Variants in TPST1 observed in about 807,000 individuals in gnomAD.
TPST1 encodes protein-tyrosine sulfotransferase 1.
Under a neutral mutation model 34.8 loss-of-function variants are expected in TPST1, and 20 were observed. The observed-to-expected ratio is 0.57, with a 90% CI of 0.40 to 0.84. The LOEUF is 0.84. Ranked by LOEUF, TPST1 falls within the 40% of genes least tolerant of loss-of-function variation. The pLI, the probability that TPST1 is intolerant of heterozygous loss-of-function variation, is 0.00. For missense variants in TPST1, 353 were observed against 455.5 expected (o/e 0.78, Z 2.05); for synonymous variants, 152 against 159.4 (o/e 0.95, Z 0.35).
chr7:66,338,076 T>G (rs1258239956), intron 3 of TPST1, among the ~76,000 whole-genome samples: 1 of 152,164 alleles, frequency 6.6e-6, no homozygotes. Flanking sequence ...CCCATCCATA[T>G]GCTGGCTACA....
chr7:66,317,208 T>C (rs965151773), intron 3 of TPST1, among the ~76,000 whole-genome samples: 2 of 152,232 alleles, frequency 1.3e-5, no homozygotes, highest in African/African-American at 2.4e-5. Flanking sequence ...TCTTTAGTTA[T>C]ATGTACTTCT....
chr7:66,286,823 T>TTTGTTTTTG (rs1791049329), intron 3 of TPST1, 114 bp downstream of exon 3: 1 of 624,904 alleles, frequency 1.6e-6, no homozygotes, highest in African/African-American at 2.1e-5. Flanking sequence ...ATATATTTTT[T>TTTGTTTTTG]TTTTTTTTCA....
In TPST1 at chr7:66,240,572, C is replaced by T. The variant is rs775947987; in HGVS notation, c.147C>T (p.Thr49=). The T allele has an allele frequency of 1.4e-5, 22 of 1,614,048 alleles. No homozygotes were observed. The African/African-American group carries it at 1.9e-4, about 14-fold the overall frequency. ...CAGTCAAATTGGAGAGCACAAGGAC[C>T]ACTGTGAGAACTGGCCTGGACCTCA... The part of the protein sequence containing the change: ...SQPVKLESTR[T]TVRTGLDLKA... Residue 49 remains threonine (T), a synonymous_variant, in exon 2 of 6, where the codon ACC becomes ACT. Coordinates refer to ENST00000304842, the MANE Select transcript of TPST1 (RefSeq NM_003596.4).
chr7:66,336,410 G>A (rs768033033), intron 3 of TPST1, among the ~76,000 whole-genome samples: 21 of 151,820 alleles, frequency 1.4e-4, no homozygotes, highest in Admixed American at 2.6e-4. Context: ...ATTTGACAAA[G>A]AAATAGAAAC....
chr7:66,200,580 C>A (rs1452175076), upstream of TPST1, among the ~76,000 whole-genome samples: 1 of 151,840 alleles, frequency 6.6e-6, no homozygotes, highest in Non-Finnish European at 1.5e-5. Flanking sequence ...CCAGCACACC[C>A]GGCTAATTTT....
At chr7:66,256,908 A>G (rs1258012681) in intron 2 of TPST1, among the ~76,000 whole-genome samples, 1 of 152,136 alleles carries the variant, frequency 6.6e-6, no homozygotes, top group Non-Finnish European at 1.5e-5. Context: ...GAATCTTGTC[A>G]TCTAAATCAG....
chr7:66,239,055 G>C (rs1205777013), intron 1 of TPST1, among the ~76,000 whole-genome samples: 4 of 152,204 alleles, frequency 2.6e-5, no homozygotes, highest in South Asian at 2.1e-4. Flanking sequence ...CTATACACTA[G>C]CTTTCCTAAA....
intron 1 of TPST1, among the ~76,000 whole-genome samples, chr7:66,238,316 G>A (rs1789952951): frequency 1.3e-5 from 2 of 150,998 alleles, no homozygotes. Flanking sequence ...GAATTCCTTC[G>A]TTATTTTGTC....
intron 2 of TPST1, among the ~76,000 whole-genome samples, chr7:66,270,941 C>T (rs1163493628): frequency 1.3e-5 from 2 of 152,168 alleles, no homozygotes; most frequent in Non-Finnish European, 1.5e-5. Context: ...CTACATCTTA[C>T]TTGGAACAAT....
upstream of TPST1, among the ~76,000 whole-genome samples, chr7:66,203,578 C>CG (rs1554338375): frequency 2.0e-5 from 3 of 151,916 alleles, no homozygotes; most frequent in Non-Finnish European, 1.5e-5. Flanking sequence ...CTCCACCTCC[C>CG]GGGTTCACGC....
In TPST1 at chr7:66,328,904, A is replaced by ATTT. The variant is rs1350334573; in HGVS notation, c.1045-23600_1045-23599insTTT. Among the ~76,000 whole-genome samples, 92 of 25,994 alleles carry ATTT rather than the reference A, an allele frequency of 3.5e-3. 1 individual carries two copies. The highest frequency in any genetic ancestry group is 6.8e-3 in the African/African-American group (26 of 3,846). The allele number at this position is 25,994 out of a possible 152,430, so 17.1% of individuals were successfully genotyped here. ...TCTCTCTCTATATATATATATATAT[A>ATTT]TATTTTTTTTTTTTTTTTTTTTTTT... On this transcript the variant is annotated intron_variant, in intron 3 of 5. Coordinates refer to ENST00000304842, the MANE Select transcript of TPST1 (RefSeq NM_003596.4).
At chr7:66,238,259 T>C (rs1789951599) in intron 1 of TPST1, among the ~76,000 whole-genome samples, 1 of 152,162 alleles carries the variant, frequency 6.6e-6, no homozygotes, top group Non-Finnish European at 1.5e-5. Flanking sequence ...GGGGAGTTTC[T>C]TCAGACCCCT....
chr7:66,221,994 T>A (rs745908696), intron 1 of TPST1, among the ~76,000 whole-genome samples: 1 of 152,202 alleles, frequency 6.6e-6, no homozygotes, highest in Non-Finnish European at 1.5e-5. Flanking sequence ...TCATTTTCGA[T>A]GTTTATTTGT....
chr7:66,210,103 T>G (rs1330320758), intron 1 of TPST1, among the ~76,000 whole-genome samples: 2 of 152,026 alleles, frequency 1.3e-5, no homozygotes, highest in Non-Finnish European at 2.9e-5. Context: ...ATGAGGCCAG[T>G]GAGGCTAAGG....
At chr7:66,225,349 C>T (rs1020783487) in intron 1 of TPST1, among the ~76,000 whole-genome samples, 10 of 152,148 alleles carry the variant, frequency 6.6e-5, no homozygotes, top group South Asian at 4.1e-4. Flanking sequence ...CAGTGGCTCA[C>T]GCCTGTAATC....
At chr7:66,264,315 A>G (rs1790547922) in intron 2 of TPST1, among the ~76,000 whole-genome samples, 1 of 152,248 alleles carries the variant, frequency 6.6e-6, no homozygotes, top group Admixed American at 6.5e-5. Context: ...AAAGCTTCAC[A>G]TATTCCCAAG....
At chr7:66,308,346 A>G (rs890863734) in intron 3 of TPST1, among the ~76,000 whole-genome samples, 3 of 152,144 alleles carry the variant, frequency 2.0e-5, no homozygotes, top group Non-Finnish European at 4.4e-5. Flanking sequence ...ATCATCCTGT[A>G]TCTTAAGTTT....
At position 66,269,123 on chromosome 7, in the gene TPST1, C is replaced by A. The variant is rs190484893; in HGVS notation, c.846-17388C>A. ...GTTGATTAGCACCAAAGAGATTAAA[C>A]GGTGATTAAGAGATATCATTTAAAA... On this transcript the variant is annotated intron_variant, in intron 2 of 5. Transcript: ENST00000304842. 1.1e-3 allele frequency among the ~76,000 whole-genome samples: 173 copies of A among 152,214 alleles called. 1 individual carries two copies. The highest frequency in any genetic ancestry group is 3.9e-3 in the African/African-American group (161 of 41,530).
intron 3 of TPST1, among the ~76,000 whole-genome samples, chr7:66,327,722 T>TAA (rs1178857668): frequency 6.4e-5 from 7 of 109,620 alleles, no homozygotes; most frequent in Non-Finnish European, 1.1e-4. Flanking sequence ...GACCCTGTCT[T>TAA]AAAAAAAAAA....
Sources: gnomAD v4.1 joint callset for allele counts (sites outside exome capture counted in the v4.1 genomes callset) on GRCh38, gnomAD v4.1.1 for gene constraint, MANE v1.5 for transcripts, NCBI Gene and HGNC (gene_info 2026-07-23, HGNC 2026-07-21) for gene names.